Variants in CFAP47 observed in about 807,000 individuals in gnomAD.
The protein encoded by CFAP47 is cilia and flagella associated protein 47, also known as cilia- and flagella-associated protein 47.
Under a neutral mutation model 148.1 loss-of-function variants are expected in CFAP47, and 29 were observed. The ratio of observed to expected loss-of-function variants is 0.20; its 90% CI spans 0.15 to 0.27. The LOEUF (loss-of-function observed/expected upper bound fraction) is 0.27, where lower values mean the gene tolerates loss of function less well. CFAP47 is among the 10% of genes least tolerant of loss of function. The probability of loss-of-function intolerance (pLI) is 1.00; values close to 1 mark genes in which losing one functional copy is unlikely to be tolerated. For synonymous variants in CFAP47, 664 were observed against 577.3 expected (o/e 1.15, Z -2.15); for missense variants, 1,872 against 1,697.5 (o/e 1.10, Z -1.81).
In CFAP47 at chrX:35,970,932, C is replaced by T. The variant is rs1212780994; in HGVS notation, c.1970+9C>T. 3 of 1,180,534 alleles carry T rather than the reference C, an allele frequency of 2.5e-6. No individual in the cohort carries two copies. In the South Asian group the frequency reaches 5.8e-5, roughly 23 times the overall value. On this transcript the variant is annotated intron_variant, in intron 11 of 63. Coordinates refer to ENST00000378653, the MANE Select transcript of CFAP47 (RefSeq NM_001304548.2). ...AAGAAACAAGCAGAGAGGTAATGTT[C>T]AGTTCCTCAAAAAATATGCAACAGA...
intron 49 of CFAP47, among the ~76,000 whole-genome samples, chrX:36,272,280 C>T: frequency 8.9e-6 from 1 of 111,888 alleles, no homozygotes; most frequent in Non-Finnish European, 1.9e-5. Context: ...TAGAAGTGCG[C>T]CAGTTAAAGC....
At chrX:36,190,579 C>G (rs1271203808) in intron 42 of CFAP47, among the ~76,000 whole-genome samples, 1 of 112,334 alleles carries the variant, frequency 8.9e-6, no homozygotes, top group Non-Finnish European at 1.9e-5. Flanking sequence ...TATCAAGTCT[C>G]CATTCAAGGG....
At chrX:36,274,694 T>C (rs1940994820) in intron 49 of CFAP47, among the ~76,000 whole-genome samples, 1 of 112,367 alleles carries the variant, frequency 8.9e-6, no homozygotes, top group Admixed American at 9.4e-5. Flanking sequence ...ATTTTGCATG[T>C]TGATTTTGTT....
intron 27 of CFAP47, among the ~76,000 whole-genome samples, chrX:36,070,640 C>T (rs780051928): frequency 7.3e-5 from 8 of 109,642 alleles, no homozygotes; most frequent in African/African-American, 1.0e-4. Context: ...TATAGGCACG[C>T]GCCACCACAC....
At position 36,138,397 on chromosome X, in the gene CFAP47, A is replaced by C. The variant is rs1939082442; in HGVS notation, c.5468A>C (p.Glu1823Ala). ...NMYTRPKSPE[E>A]YLHNCLIIVN... ...TACACACGACCAAAAAGTCCTGAAG[A>C]GTATCTGCACAATTGCCTGATTATT... is the stretch of plus-strand genomic sequence containing the variant. The change falls in exon 35 of 64, where the codon GAG (glutamate) becomes GCG (alanine). Residue 1823 changes from glutamate (E) to alanine (A), a missense_variant. Glu to Ala is a moderately radical substitution (Grantham distance 107). Transcript: ENST00000378653. 20 of 1,169,424 alleles carry C rather than the reference A, an allele frequency of 1.7e-5. No individual in the cohort carries two copies. Among genetic ancestry groups the C allele is most frequent in the Non-Finnish European group, 2.3e-5 (20 of 878,808 alleles).
intron 49 of CFAP47, among the ~76,000 whole-genome samples, chrX:36,266,982 G>A (rs782579087): frequency 4.5e-5 from 5 of 110,946 alleles, no homozygotes; most frequent in East Asian, 2.8e-4. Flanking sequence ...TCTGCTTGAC[G>A]CATGCCATAT....
intron 56 of CFAP47, among the ~76,000 whole-genome samples, chrX:36,314,013 C>A (rs1024833430): frequency 1.8e-5 from 2 of 111,385 alleles, no homozygotes; most frequent in Non-Finnish European, 3.8e-5. Flanking sequence ...AAATAAAATA[C>A]CCAAATTTCT....
intron 61 of CFAP47, 109 bp from the exon 62 acceptor site, chrX:36,366,857 A>G (rs1196307275): frequency 2.5e-6 from 1 of 396,415 alleles, no homozygotes; most frequent in Non-Finnish European, 4.1e-6. Context: ...TAGTGTTTTC[A>G]CTGAAACCAC....
At chrX:36,237,064 TAA>T (rs1401747863) in intron 48 of CFAP47, among the ~76,000 whole-genome samples, 100 of 112,148 alleles carry the variant, frequency 8.9e-4, no homozygotes, top group African/African-American at 3.1e-3. Context: ...TAGGATGAAA[TAA>T]GTCTTATATG....
intron 22 of CFAP47, among the ~76,000 whole-genome samples, chrX:36,030,246 A>G (rs1206122682): frequency 9.0e-6 from 1 of 111,323 alleles, no homozygotes; most frequent in Non-Finnish European, 1.9e-5. Flanking sequence ...TCAGAAAATG[A>G]TTCTATAAAA....
At chrX:36,283,370 G>A in intron 50 of CFAP47, among the ~76,000 whole-genome samples, 2 of 111,483 alleles carry the variant, frequency 1.8e-5, no homozygotes, top group Middle Eastern at 9.3e-3. Context: ...TAGTACTGTA[G>A]GAACTAAATC....
intron 40 of CFAP47, among the ~76,000 whole-genome samples, chrX:36,180,547 G>A (rs1602032192): frequency 8.9e-6 from 1 of 112,161 alleles, no homozygotes; most frequent in Admixed American, 9.5e-5. Flanking sequence ...GGAATTCCCA[G>A]TGTCATTAGA....
chrX:36,173,066 G>T (rs1476838057), intron 39 of CFAP47, among the ~76,000 whole-genome samples: 2 of 111,212 alleles, frequency 1.8e-5, no homozygotes, highest in Non-Finnish European at 3.8e-5. Flanking sequence ...ATTTCTTCTA[G>T]ATTTTCTAGT....
intron 26 of CFAP47, among the ~76,000 whole-genome samples, chrX:36,059,498 A>G (rs900411604): frequency 2.7e-5 from 3 of 111,813 alleles, no homozygotes; most frequent in Non-Finnish European, 5.6e-5. Context: ...AATGATTAGA[A>G]ATAATTTTTC....
intron 25 of CFAP47, among the ~76,000 whole-genome samples, chrX:36,045,331 T>C (rs1937452289): frequency 9.0e-6 from 1 of 111,676 alleles, no homozygotes; most frequent in Admixed American, 9.6e-5. Flanking sequence ...GCTGTGCTGG[T>C]ACCTCAGGTG....
chrX:36,367,480 C>T (rs1556020576), intron 62 of CFAP47, among the ~76,000 whole-genome samples: 2 of 111,924 alleles, frequency 1.8e-5, no homozygotes, highest in Middle Eastern at 4.6e-3. Flanking sequence ...GGTAAACCCA[C>T]GTTGATTCCA....
intron 1 of CFAP47, among the ~76,000 whole-genome samples, chrX:35,924,010 AAT>A (rs1383101011): frequency 2.2e-4 from 20 of 92,161 alleles, no homozygotes; most frequent in South Asian, 1.5e-3. Context: ...TATATGTGTA[AAT>A]ATATATGCAC....
At chrX:35,941,229 T>C (rs933685147) in intron 2 of CFAP47, 54 bp from the exon 3 acceptor site, 10 of 646,569 alleles carry the variant, frequency 1.5e-5, no homozygotes, top group East Asian at 3.6e-5. Context: ...TATTTAGCTA[T>C]CAGGCTCTTA....
At chrX:36,049,283 GA>G (rs1937502810) in intron 26 of CFAP47, among the ~76,000 whole-genome samples, 1 of 110,112 alleles carries the variant, frequency 9.1e-6, no homozygotes, top group Admixed American at 9.8e-5. Context: ...GGGGAGCCAA[GA>G]ATGTAAACCA....
Sources: allele counts gnomAD v4.1 joint callset (sites outside exome capture counted in the v4.1 genomes callset), GRCh38; gene constraint gnomAD v4.1.1; transcripts MANE v1.5; gene names NCBI Gene and HGNC (gene_info 2026-07-23, HGNC 2026-07-21).